The following PTPN4 variants were observed in gnomAD, a reference collection of about 807,000 sequenced individuals.
PTPN4 encodes tyrosine-protein phosphatase non-receptor type 4.
Under a neutral mutation model 135.5 loss-of-function variants are expected in PTPN4, and 49 were observed. That is an observed-to-expected ratio of 0.36 (90% confidence interval 0.29 to 0.46). The LOEUF (loss-of-function observed/expected upper bound fraction) is 0.46. Ranked by LOEUF, PTPN4 falls within the 20% of genes least tolerant of loss-of-function variation. The probability of loss-of-function intolerance (pLI) is 1.00; values close to 1 mark genes in which losing one functional copy is unlikely to be tolerated. For missense variants in PTPN4, 860 were observed against 1,101.0 expected (o/e 0.78, Z 3.10); for synonymous variants, 333 against 369.9 (o/e 0.90, Z 1.14).
chr2:119,968,627 TAAA>T (rs1189070223), intron 26 of PTPN4, among the ~76,000 whole-genome samples: 1 of 151,974 alleles, frequency 6.6e-6, no homozygotes, highest in African/African-American at 2.4e-5. Context: ...CCGTCTCTAC[TAAA>T]AATGCAAAAA....
At position 119,828,252 on chromosome 2, in the gene PTPN4, A is replaced by G. The variant is rs530896101; in HGVS notation, c.138+18261A>G. The stretch of plus-strand genomic sequence containing the variant: ...CATCTTGTACGTCAGATTCAATCAA[A>G]CTTCTGATGACTTTACTATCTGCTG... On this transcript the variant is annotated intron_variant, in intron 2 of 26. Coordinates refer to ENST00000263708, the MANE Select transcript of PTPN4 (RefSeq NM_002830.4). Among the ~76,000 whole-genome samples, 142 of 152,316 alleles carry G rather than the reference A, an allele frequency of 9.3e-4. 1 individual carries two copies. The highest frequency in any genetic ancestry group is 3.3e-3 in the African/African-American group (138 of 41,572).
intron 26 of PTPN4, among the ~76,000 whole-genome samples, chr2:119,975,444 A>T (rs959940802): frequency 6.6e-6 from 1 of 152,096 alleles, no homozygotes; most frequent in Non-Finnish European, 1.5e-5. Context: ...CCCTTCAGGG[A>T]TGGGTGCGGT....
intron 1 of PTPN4, among the ~76,000 whole-genome samples, chr2:119,762,293 G>A (rs1168564260): frequency 6.6e-6 from 1 of 151,678 alleles, no homozygotes; most frequent in Admixed American, 6.6e-5. Context: ...GTATAATAAA[G>A]TGGGATAGTA....
chr2:119,824,861 C>T (rs376514764), intron 2 of PTPN4, among the ~76,000 whole-genome samples: 2 of 151,872 alleles, frequency 1.3e-5, no homozygotes, highest in South Asian at 2.1e-4. Flanking sequence ...CTAATTTTTG[C>T]ATTTTTAGTA....
chr2:119,914,875 T>C (rs1421535856), intron 10 of PTPN4, among the ~76,000 whole-genome samples: 1 of 152,190 alleles, frequency 6.6e-6, no homozygotes, highest in Non-Finnish European at 1.5e-5. Flanking sequence ...TCTTACATTT[T>C]TCCAAGGCTT....
rs752306131 is a variant in PTPN4 at position 119,983,053 on chromosome 2, T to G, written c.*5983T>G. The G allele has an allele frequency of 1.6e-4, 24 of 152,316 alleles. No individual in the cohort carries two copies. The highest frequency in any genetic ancestry group is 5.9e-5 in the Non-Finnish European group (4 of 68,028). The allele number at this position is 152,316 out of a possible 1,614,324, so 9.4% of individuals were successfully genotyped here. A position where few individuals can be genotyped will look rare whatever the true frequency, so the allele number is the denominator to read the frequency against. On this transcript the variant is annotated 3_prime_UTR_variant, in exon 27 of 27. Coordinates refer to ENST00000263708, the MANE Select transcript of PTPN4 (RefSeq NM_002830.4). ...GGACTTCATTATTTTTATTTCTCTT[T>G]CCACGTCTCCAACTTTTTAAAAATC...
At chr2:119,928,582 A>G (rs1277310160) in intron 13 of PTPN4, among the ~76,000 whole-genome samples, 2 of 152,182 alleles carry the variant, frequency 1.3e-5, no homozygotes, top group African/African-American at 2.4e-5. Context: ...AAAAAATCCT[A>G]TAATTTAAAC....
At chr2:119,782,173 T>C (rs1236424202) in intron 1 of PTPN4, among the ~76,000 whole-genome samples, 1 of 152,100 alleles carries the variant, frequency 6.6e-6, no homozygotes, top group East Asian at 1.9e-4. Context: ...TCCTAGCACT[T>C]TGGGAGGCCA....
At chr2:119,786,951 A>G (rs1691057984) in intron 1 of PTPN4, among the ~76,000 whole-genome samples, 1 of 152,172 alleles carries the variant, frequency 6.6e-6, no homozygotes, top group Admixed American at 6.5e-5. Context: ...TTACTATAAT[A>G]CAGTTCTAAT....
At chr2:119,784,925 C>G (rs937584194) in intron 1 of PTPN4, among the ~76,000 whole-genome samples, 1 of 144,924 alleles carries the variant, frequency 6.9e-6, no homozygotes, top group Non-Finnish European at 1.5e-5. Flanking sequence ...GGTTCCTCAT[C>G]CTTTCCATTT....
chr2:119,765,758 A>G (rs770050542), intron 1 of PTPN4, among the ~76,000 whole-genome samples: 6 of 152,232 alleles, frequency 3.9e-5, no homozygotes, highest in Non-Finnish European at 7.3e-5. Context: ...ATGGTCTTGG[A>G]GGATCATTTG....
chr2:119,786,213 T>G (rs1691044923), intron 1 of PTPN4, among the ~76,000 whole-genome samples: 2 of 152,152 alleles, frequency 1.3e-5, no homozygotes, highest in South Asian at 4.1e-4. Flanking sequence ...TTTATAACAG[T>G]TGAGAGATAC....
chr2:119,848,668 T>G (rs1677543767), intron 2 of PTPN4, among the ~76,000 whole-genome samples: 1 of 152,170 alleles, frequency 6.6e-6, no homozygotes, highest in Non-Finnish European at 1.5e-5. Context: ...TGATGCAATC[T>G]CGGCTCACTG....
chr2:119,970,633 T>C (rs760580015), intron 26 of PTPN4, among the ~76,000 whole-genome samples: 1 of 152,240 alleles, frequency 6.6e-6, no homozygotes, highest in Non-Finnish European at 1.5e-5. Context: ...TATGTATTAT[T>C]ACTTTATTCC....
Position 119,847,275 on chromosome 2 carries a change from TACACACACAC to T in PTPN4, c.139-15229_139-15220del, listed in dbSNP as rs775485671. 2.1e-3 allele frequency among the ~76,000 whole-genome samples: 223 copies of T among 107,526 alleles called. 1 individual carries two copies. Among genetic ancestry groups the T allele is most frequent in the East Asian group, 7.2e-3 (30 of 4,154 alleles). 70.5% of individuals were successfully genotyped at this position (107,526 alleles called of 152,430 possible). A position where few individuals can be genotyped will look rare whatever the true frequency, so the allele number is the denominator to read the frequency against. ...TAAGAAAAAAAGGAGATACTCTATATACACACACACACACACACACACACACACACACACA... is the reference window on the plus strand; with the variant it reads ...TAAGAAAAAAAGGAGATACTCTATATACACACACACACACACACACACACA... On this transcript the variant is annotated intron_variant, in intron 2 of 26. Coordinates refer to ENST00000263708, the MANE Select transcript of PTPN4 (RefSeq NM_002830.4).
At chr2:119,913,950 C>T (rs1227186220) in intron 10 of PTPN4, among the ~76,000 whole-genome samples, 3 of 151,964 alleles carry the variant, frequency 2.0e-5, no homozygotes, top group African/African-American at 7.2e-5. Context: ...TCTGAAAAAA[C>T]TTTGTAGCAA....
intron 1 of PTPN4, among the ~76,000 whole-genome samples, chr2:119,773,615 A>G (rs1690773639): frequency 6.6e-6 from 1 of 151,940 alleles, no homozygotes; most frequent in Non-Finnish European, 1.5e-5. Context: ...GCACGCCTGT[A>G]ATCCTAACTA....
At chr2:119,947,126 A>T (rs1574416691) in intron 18 of PTPN4, among the ~76,000 whole-genome samples, 1 of 152,176 alleles carries the variant, frequency 6.6e-6, no homozygotes, top group African/African-American at 2.4e-5. Flanking sequence ...TTCTTAACTA[A>T]TTGTAGGTAC....
At chr2:119,938,939 A>G (rs1679024338) in intron 15 of PTPN4, among the ~76,000 whole-genome samples, 1 of 152,142 alleles carries the variant, frequency 6.6e-6, no homozygotes, top group South Asian at 2.1e-4. Flanking sequence ...CATAGTGTTT[A>G]CGAGCACAAG....
Sources: gnomAD v4.1 joint callset for allele counts (sites outside exome capture counted in the v4.1 genomes callset) on GRCh38, gnomAD v4.1.1 for gene constraint, MANE v1.5 for transcripts, NCBI Gene and HGNC (gene_info 2026-07-23, HGNC 2026-07-21) for gene names.